The following GEMIN7 variants were observed in gnomAD, a reference collection of about 807,000 sequenced individuals.
GEMIN7 encodes gem nuclear organelle associated protein 7, also known as gem-associated protein 7.
A neutral mutation model predicts 7.8 loss-of-function variants in GEMIN7; 7 were observed. That is an observed-to-expected ratio of 0.90 (90% CI 0.51 to 1.69). The LOEUF (loss-of-function observed/expected upper bound fraction) is 1.69, where lower values mean the gene tolerates loss of function less well. Ranked by LOEUF, GEMIN7 falls within the 40% of genes most tolerant of loss-of-function variation. The pLI, the probability that GEMIN7 is intolerant of heterozygous loss-of-function variation, is 0.00. For synonymous variants in GEMIN7, 68 were observed against 72.4 expected (o/e 0.94, Z 0.31); for missense variants, 159 against 176.2 (o/e 0.90, Z 0.55).
chr19:45,086,845 T>TTTTG (rs141012049), intron 2 of GEMIN7, among the ~76,000 whole-genome samples: 41,385 of 151,588 alleles, frequency 0.27, 7,258 homozygotes, highest in African/African-American at 0.5. Flanking sequence ...TCATTTTGTT[T>TTTTG]TTTGTTTGTT....
upstream of GEMIN7, chr19:45,076,356 G>A: frequency 1.5e-6 from 2 of 1,351,990 alleles, no homozygotes; most frequent in East Asian, 2.8e-5. The surrounding 1 kb of genome is among the most constrained non-coding windows in gnomAD (Gnocchi z 4.9). Context: ...GCGCGCTGCC[G>A]GCCTTGCGGC....
At chr19:45,086,869 A>G (rs1005321011) in intron 2 of GEMIN7, among the ~76,000 whole-genome samples, 3 of 150,954 alleles carry the variant, frequency 2.0e-5, no homozygotes, top group Admixed American at 1.3e-4. Context: ...TTTTTTCGAG[A>G]TGAGTCTTGC....
intron 2 of GEMIN7, 93 bp from the exon 3 acceptor site, chr19:45,090,014 C>CTGG (rs1472284387): frequency 1.5e-6 from 2 of 1,348,558 alleles, no homozygotes; most frequent in East Asian, 4.6e-5. Flanking sequence ...GTGGAGCTGC[C>CTGG]TGGTAGACCA....
At chr19:45,076,395 A>G (rs1967353525), upstream of GEMIN7, 5 of 1,250,094 alleles carry the variant, frequency 4.0e-6, no homozygotes, top group Non-Finnish European at 5.0e-6. The surrounding 1 kb of genome is among the most constrained non-coding windows in gnomAD (Gnocchi z 4.9). Context: ...CGGGCGAGCG[A>G]GCGGGCGGGC....
chr19:45,090,139 G>C lies in GEMIN7; in HGVS notation c.25G>C (p.Val9Leu). 1 of 1,613,128 alleles carries C rather than the reference G, an allele frequency of 6.2e-7. No individual in the cohort carries two copies. The highest frequency in any genetic ancestry group is 8.5e-7 in the Non-Finnish European group (1 of 1,179,426). The stretch of plus-strand genomic sequence containing the variant: ...AATGCAAACTCCAGTGAACATTCCC[G>C]TGCCTGTGCTCCGGCTGCCCCGGGG... MQTPVNIPVPVLRLPRGPD... is the reference protein window; with the variant it reads MQTPVNIPLPVLRLPRGPD... The change falls in exon 3 of 3, where the codon GTG (valine) becomes CTG (leucine). Residue 9 changes from valine (V) to leucine (L), a missense_variant. By Grantham distance (32) the Val-to-Leu change is conservative. Coordinates refer to ENST00000270257, the MANE Select transcript of GEMIN7 (RefSeq NM_024707.3).
At chr19:45,076,625 C>CT, upstream of GEMIN7, 1 of 321,336 alleles carries the variant, frequency 3.1e-6, no homozygotes, top group Non-Finnish European at 5.7e-6. The surrounding 1 kb of genome is among the most constrained non-coding windows in gnomAD (Gnocchi z 4.9). Flanking sequence ...GTGCGTTTGG[C>CT]TTAGTGACCA....
rs773515981 is a variant in GEMIN7 at position 45,090,289 on chromosome 19, C to G, written c.175C>G (p.Arg59Gly). The G allele has an allele frequency of 6.8e-6, 11 of 1,614,032 alleles. No individual in the cohort carries two copies. In the Admixed American group the frequency reaches 1.7e-4, roughly 24 times the overall value. The change falls in exon 3 of 3, where the codon CGA (arginine) becomes GGA (glycine). Residue 59 changes from arginine to glycine, a missense_variant. Transcript: ENST00000270257. ...ESLESQEQRA[R>G]AALRERYLRS... The stretch of plus-strand genomic sequence containing the variant: ...CCTGGAATCCCAGGAGCAGCGGGCA[C>G]GAGCCGCCCTTCGGGAGCGTTACCT...
intron 2 of GEMIN7, among the ~76,000 whole-genome samples, chr19:45,081,273 G>A (rs1442613436): frequency 2.0e-5 from 3 of 152,076 alleles, no homozygotes; most frequent in African/African-American, 4.8e-5. Flanking sequence ...CCTGGCCAAC[G>A]TGGCCAAACC....
chr19:45,087,991 G>A (rs1402846417), intron 2 of GEMIN7, among the ~76,000 whole-genome samples: 1 of 140,164 alleles, frequency 7.1e-6, no homozygotes, highest in Non-Finnish European at 1.5e-5. Context: ...TGTCGCCCAG[G>A]CTGGAGTACT....
intron 1 of GEMIN7, 122 bp from the exon 2 acceptor site, chr19:45,079,785 T>G (rs1967437843): frequency 6.6e-6 from 1 of 152,280 alleles, no homozygotes; most frequent in African/African-American, 2.4e-5. Context: ...GATTCTGTGC[T>G]TGGGGTTCTG....
chr19:45,076,250 G>T (rs1461990647), upstream of GEMIN7: 1 of 1,505,510 alleles, frequency 6.6e-7, no homozygotes, highest in Non-Finnish European at 8.8e-7. This position sits in a 1 kb window ranked among gnomAD's most constrained non-coding sequence, Gnocchi z 4.9. Flanking sequence ...GCCTGTTGGG[G>T]CTGCGCGTCT....
rs1190239116 is a variant in GEMIN7 at position 45,090,723 on chromosome 19, C to T, written c.*213C>T. The T allele has an allele frequency of 6.9e-6, 4 of 578,154 alleles. No individual in the cohort carries two copies. Among genetic ancestry groups the T allele is most frequent in the Admixed American group, 3.1e-5 (1 of 32,270 alleles). 35.8% of individuals were successfully genotyped at this position (578,154 alleles called of 1,614,324 possible). A position where few individuals can be genotyped will look rare whatever the true frequency, so the allele number is the denominator to read the frequency against. On this transcript the variant is annotated 3_prime_UTR_variant, in exon 3 of 3. Coordinates refer to ENST00000270257, the MANE Select transcript of GEMIN7 (RefSeq NM_024707.3). ...TTCTAAGATCCCATTGGAAGGAATG[C>T]TCTACCTCACAGAACTCTGAACCCT...
upstream of GEMIN7, chr19:45,076,196 C>T: frequency 6.6e-7 from 1 of 1,505,896 alleles, no homozygotes; most frequent in Non-Finnish European, 8.8e-7. This position sits in a 1 kb window ranked among gnomAD's most constrained non-coding sequence, Gnocchi z 4.9. Flanking sequence ...CCGAACCGCC[C>T]CGCCGAGGAC....
At chr19:45,083,143 T>G (rs1343688190) in intron 2 of GEMIN7, among the ~76,000 whole-genome samples, 1 of 152,120 alleles carries the variant, frequency 6.6e-6, no homozygotes, top group Non-Finnish European at 1.5e-5. Flanking sequence ...AAAATAAAGT[T>G]AAAATTGAAA....
At chr19:45,089,381 G>T (rs1249059997) in intron 2 of GEMIN7, among the ~76,000 whole-genome samples, 2 of 152,032 alleles carry the variant, frequency 1.3e-5, no homozygotes, top group African/African-American at 4.8e-5. Flanking sequence ...TTTATCCAGT[G>T]GGTTATAATC....
chr19:45,076,652 G>C, upstream of GEMIN7: 1 of 296,632 alleles, frequency 3.4e-6, no homozygotes, highest in Non-Finnish European at 6.2e-6. The surrounding 1 kb of genome is among the most constrained non-coding windows in gnomAD (Gnocchi z 4.9). Context: ...ATCACACCGA[G>C]TTCCCACAAG....
chr19:45,076,357 G>C, upstream of GEMIN7: 1 of 1,351,830 alleles, frequency 7.4e-7, no homozygotes, highest in Non-Finnish European at 9.5e-7. This position sits in a 1 kb window ranked among gnomAD's most constrained non-coding sequence, Gnocchi z 4.9. Context: ...CGCGCTGCCG[G>C]CCTTGCGGCG....
chr19:45,085,491 G>A (rs1383537091), intron 2 of GEMIN7: 1 of 152,162 alleles, frequency 6.6e-6, no homozygotes, highest in Non-Finnish European at 1.5e-5. Flanking sequence ...ACACCTATGC[G>A]TTGGACAGCC....
chr19:45,082,709 A>G (rs1244322741), intron 2 of GEMIN7, among the ~76,000 whole-genome samples: 1 of 151,844 alleles, frequency 6.6e-6, no homozygotes, highest in African/African-American at 2.4e-5. Flanking sequence ...GCCTCCACCT[A>G]CCAGGCTCAA....
Sources: allele counts gnomAD v4.1 joint callset (sites outside exome capture counted in the v4.1 genomes callset), GRCh38; gene constraint gnomAD v4.1.1; non-coding constraint Gnocchi (gnomAD v3.1); transcripts MANE v1.5; gene names NCBI Gene and HGNC (gene_info 2026-07-23, HGNC 2026-07-21).